The following DGKB variants were observed in gnomAD, a reference collection of about 807,000 sequenced individuals.
The protein encoded by DGKB is 90 kDa diacylglycerol kinase.
In DGKB, 67 loss-of-function variants were observed where a neutral mutation model predicts 114.3. The ratio of observed to expected loss-of-function variants is 0.59; its 90% CI spans 0.48 to 0.72. DGKB has a LOEUF of 0.72. Among genes scored for constraint, DGKB ranks in the 30% least tolerant of loss-of-function variants. The probability of loss-of-function intolerance (pLI) is 0.00; values close to 1 mark genes in which losing one functional copy is unlikely to be tolerated. For synonymous variants in DGKB, 398 were observed against 323.1 expected (o/e 1.23, Z -2.49); for missense variants, 907 against 975.2 (o/e 0.93, Z 0.93).
intron 5 of DGKB, among the ~76,000 whole-genome samples, chr7:14,729,800 A>T (rs1180068558): frequency 6.6e-6 from 1 of 152,216 alleles, no homozygotes; most frequent in Non-Finnish European, 1.5e-5. Flanking sequence ...ATAATTGTTC[A>T]TCTTTTTGCT....
intron 13 of DGKB, among the ~76,000 whole-genome samples, chr7:14,653,402 A>G (rs2128905612): frequency 6.6e-6 from 1 of 152,260 alleles, no homozygotes; most frequent in South Asian, 2.1e-4. Context: ...AACTACTGCA[A>G]GAACAAAAAA....
intron 20 of DGKB, among the ~76,000 whole-genome samples, chr7:14,485,084 GAC>G (rs1276354155): frequency 7.8e-5 from 9 of 114,878 alleles, no homozygotes; most frequent in Admixed American, 5.5e-4. Context: ...ATTACTGAAA[GAC>G]ACACACACAC....
At chr7:14,417,539 C>G (rs549639223) in intron 21 of DGKB, among the ~76,000 whole-genome samples, 4 of 151,930 alleles carry the variant, frequency 2.6e-5, no homozygotes, top group African/African-American at 7.2e-5. Context: ...ATTCTTGAAC[C>G]TCAACAGAGA....
In DGKB at chr7:14,387,509, C is replaced by A. The variant is rs1437912782; in HGVS notation, c.1836-42118G>T. ...TTCACTGAAGCCTCAATTTCCTGGG[C>A]TAAAGCAATCCTCCCACCTAAGCCT... is the stretch of plus-strand genomic sequence containing the variant. On this transcript the variant is annotated intron_variant, in intron 21 of 25. Coordinates refer to ENST00000402815, the MANE Select transcript of DGKB (RefSeq NM_001350709.2). 2.6e-5 allele frequency among the ~76,000 whole-genome samples: 4 copies of A among 151,692 alleles called. No individual in the cohort carries two copies. In the East Asian group the frequency reaches 7.8e-4, roughly 30 times the overall value.
At chr7:14,763,003 C>G (rs1835922148) in intron 2 of DGKB, among the ~76,000 whole-genome samples, 1 of 152,098 alleles carries the variant, frequency 6.6e-6, no homozygotes, top group African/African-American at 2.4e-5. Flanking sequence ...GCACAAACTC[C>G]TCCTCTTGGC....
Position 14,456,005 on chromosome 7 carries a change from A to G in DGKB, c.1835+22156T>C, listed in dbSNP as rs1479309279. Among the ~76,000 whole-genome samples the G allele has an allele frequency of 4.6e-5, 7 of 152,126 alleles. No individual in the cohort carries two copies. The East Asian group carries it at 1.4e-3, about 29-fold the overall frequency. ...CAGGTTTAGCATTTCTAATCCAAAA[A>G]TCCAAAATCCGAAATGTTACAAAAT... is the stretch of plus-strand genomic sequence containing the variant. On this transcript the variant is annotated intron_variant, in intron 21 of 25. Coordinates refer to ENST00000402815, the MANE Select transcript of DGKB (RefSeq NM_001350709.2).
At chr7:14,475,443 T>C (rs1421988634) in intron 21 of DGKB, among the ~76,000 whole-genome samples, 1 of 152,176 alleles carries the variant, frequency 6.6e-6, no homozygotes, top group Non-Finnish European at 1.5e-5. Context: ...ATGATAACTG[T>C]AGACTTAATC....
At chr7:14,330,304 ATT>A (rs1402968149) in intron 23 of DGKB, among the ~76,000 whole-genome samples, 1 of 151,824 alleles carries the variant, frequency 6.6e-6, no homozygotes, top group African/African-American at 2.4e-5. Flanking sequence ...CTAAAAACTC[ATT>A]TTTCTTGTTT....
intron 14 of DGKB, among the ~76,000 whole-genome samples, chr7:14,625,246 A>G (rs1808365995): frequency 6.6e-6 from 1 of 152,146 alleles, no homozygotes; most frequent in African/African-American, 2.4e-5. Context: ...TTCTTTGGGG[A>G]AAAATGCAAA....
At chr7:14,825,264 G>A (rs892822666) in intron 2 of DGKB, among the ~76,000 whole-genome samples, 9 of 151,574 alleles carry the variant, frequency 5.9e-5, no homozygotes, top group African/African-American at 2.4e-5. Context: ...TTTTTCCATG[G>A]ACCAGGGAGT....
At chr7:14,279,622 C>T (rs6970467) in intron 23 of DGKB, among the ~76,000 whole-genome samples, 18,908 of 152,138 alleles carry the variant, frequency 0.12, 3,248 homozygotes, top group African/African-American at 0.39. Context: ...CTGAGAGATC[C>T]GCTGTTAGTC....
chr7:14,929,020 T>TACACAC (rs1206456337), intron 1 of DGKB, among the ~76,000 whole-genome samples: 1 of 123,102 alleles, frequency 8.1e-6, no homozygotes, highest in Non-Finnish European at 1.7e-5. Flanking sequence ...CTGCATTGTG[T>TACACAC]ATACACACAC....
chr7:14,892,591 C>G (rs1007310367), intron 1 of DGKB, among the ~76,000 whole-genome samples: 1 of 150,890 alleles, frequency 6.6e-6, no homozygotes, highest in African/African-American at 2.4e-5. Context: ...TCATGATTAT[C>G]TTGTCAAATA....
intron 21 of DGKB, among the ~76,000 whole-genome samples, chr7:14,430,782 C>T (rs1279523133): frequency 6.6e-6 from 1 of 152,094 alleles, no homozygotes; most frequent in Admixed American, 6.6e-5. Flanking sequence ...TTCATTGGCA[C>T]ATTTTTATGT....
intron 2 of DGKB, among the ~76,000 whole-genome samples, chr7:14,787,277 AAATT>A (rs1258028004): frequency 5.3e-4 from 80 of 152,342 alleles, no homozygotes; most frequent in African/African-American, 1.7e-3. Flanking sequence ...AATTTATTAA[AAATT>A]AATTAGCATT....
chr7:14,682,795 G>C lies in DGKB; in HGVS notation c.876C>G (p.Pro292=). Residue 292 remains proline (P), a synonymous_variant, in exon 11 of 26, where the codon CCC becomes CCG. Coordinates refer to ENST00000402815, the MANE Select transcript of DGKB (RefSeq NM_001350709.2). ...ACTTCACATAGGTCTTGATGCAAGAGGGAGGTGCTCGAGCCACACAGCGCT... is the reference window on the plus strand; with the variant it reads ...ACTTCACATAGGTCTTGATGCAAGACGGAGGTGCTCGAGCCACACAGCGCT... ...VHERCVARAP[P]SCIKTYVKSK... is the part of the protein sequence containing the mutation. 6.2e-7 allele frequency: 1 copy of C among 1,608,074 alleles called. No homozygotes were observed. The highest frequency in any genetic ancestry group is 8.5e-7 in the Non-Finnish European group (1 of 1,176,886).
upstream of DGKB, among the ~76,000 whole-genome samples, chr7:14,908,173 C>A (rs1020012783): frequency 6.6e-6 from 1 of 152,054 alleles, no homozygotes; most frequent in Admixed American, 6.6e-5. Flanking sequence ...ATTATTTAGA[C>A]CAATTGTTTA....
intron 2 of DGKB, among the ~76,000 whole-genome samples, chr7:14,762,475 G>T (rs1241168744): frequency 6.6e-6 from 1 of 151,896 alleles, no homozygotes; most frequent in Non-Finnish European, 1.5e-5. Flanking sequence ...CGATTTTCAA[G>T]AAAAATTAAA....
chr7:14,278,457 TTGATCC>T (rs1455867649), intron 23 of DGKB, among the ~76,000 whole-genome samples: 61 of 152,152 alleles, frequency 4.0e-4, no homozygotes, highest in Non-Finnish European at 1.6e-4. Context: ...GGAATGAAAC[TTGATCC>T]CTATCTCATA....
Sources: gnomAD v4.1 joint callset for allele counts (sites outside exome capture counted in the v4.1 genomes callset) on GRCh38, gnomAD v4.1.1 for gene constraint, MANE v1.5 for transcripts, NCBI Gene and HGNC (gene_info 2026-07-23, HGNC 2026-07-21) for gene names.